ZBTB20: variants seen among roughly 807,000 people sequenced by gnomAD.
ZBTB20 encodes the protein zinc finger and BTB domain containing 20.
A neutral mutation model predicts 56.9 loss-of-function variants in ZBTB20; 9 were observed. The observed-to-expected ratio is 0.16, with a 90% CI of 0.10 to 0.28. ZBTB20 has a LOEUF of 0.28. ZBTB20 is among the 10% of genes least tolerant of loss of function. The pLI is 1.00. For synonymous variants in ZBTB20, 417 were observed against 420.7 expected (o/e 0.99, Z 0.11); for missense variants, 655 against 1,003.0 (o/e 0.65, Z 4.69).
In ZBTB20 at chr3:114,971,848, T is replaced by C. The variant is rs560605029; in HGVS notation, c.-456+2518A>G. Among the ~76,000 whole-genome samples the C allele has an allele frequency of 3.7e-3, 565 of 152,308 alleles. 3 individuals carry two copies. The highest frequency in any genetic ancestry group is 0.013 in the African/African-American group (520 of 41,564). On this transcript the variant is annotated intron_variant, in intron 3 of 11. Transcript: ENST00000675478. ...TTATTTATGGCAGGTATGTAAGCAA[T>C]TGGGGCAGCAATGTTGGAGGCCCCT...
chr3:115,024,831 G>A (rs574121559), intron 2 of ZBTB20, among the ~76,000 whole-genome samples: 6 of 151,246 alleles, frequency 4.0e-5, no homozygotes, highest in African/African-American at 1.4e-4. Context: ...TATTCACTAA[G>A]AAAATACAAT....
chr3:114,604,882 A>G (rs956292126), intron 6 of ZBTB20, among the ~76,000 whole-genome samples: 6 of 152,126 alleles, frequency 3.9e-5, no homozygotes. Context: ...GCCTAGGATG[A>G]TTTCCATGTG....
At chr3:114,848,211 GCCA>G (rs2107385826) in intron 4 of ZBTB20, among the ~76,000 whole-genome samples, 1 of 152,182 alleles carries the variant, frequency 6.6e-6, no homozygotes, top group Admixed American at 6.5e-5. Flanking sequence ...ATGCCTCCAT[GCCA>G]CCACCAACTC....
chr3:114,421,122 C>A (rs2089129837), intron 7 of ZBTB20, among the ~76,000 whole-genome samples: 1 of 152,002 alleles, frequency 6.6e-6, no homozygotes, highest in Admixed American at 6.6e-5. Context: ...CTTTTCCTAT[C>A]TTTTGTTTCT....
chr3:114,837,277 G>A (rs2074168687), intron 4 of ZBTB20, among the ~76,000 whole-genome samples: 1 of 152,168 alleles, frequency 6.6e-6, no homozygotes, highest in South Asian at 2.1e-4. Context: ...GTATGCACAT[G>A]TACCTGTATG....
At chr3:114,589,104 C>T (rs1178490659) in intron 6 of ZBTB20, among the ~76,000 whole-genome samples, 3 of 152,120 alleles carry the variant, frequency 2.0e-5, no homozygotes, top group African/African-American at 7.2e-5. Context: ...TCCCACGACA[C>T]ATGAAGATTA....
intron 6 of ZBTB20, among the ~76,000 whole-genome samples, chr3:114,548,921 A>C (rs2050226241): frequency 1.3e-5 from 2 of 152,240 alleles, no homozygotes; most frequent in Admixed American, 1.3e-4. Flanking sequence ...GAAAAGGTAC[A>C]TTGAAGAAAA....
At chr3:114,393,087 T>C (rs2086025202) in intron 7 of ZBTB20, among the ~76,000 whole-genome samples, 1 of 152,186 alleles carries the variant, frequency 6.6e-6, no homozygotes, top group African/African-American at 2.4e-5. Flanking sequence ...TTGGCCAGTA[T>C]GGTGGAGCCA....
intron 1 of ZBTB20, among the ~76,000 whole-genome samples, chr3:115,109,469 CAT>C (rs1246865749): frequency 1.3e-5 from 2 of 152,138 alleles, no homozygotes; most frequent in African/African-American, 4.8e-5. Flanking sequence ...ATCTCTACTA[CAT>C]GTGTCAGAAA....
intron 7 of ZBTB20, among the ~76,000 whole-genome samples, chr3:114,402,005 A>C (rs551192107): frequency 6.6e-6 from 1 of 152,220 alleles, no homozygotes; most frequent in African/African-American, 2.4e-5. Flanking sequence ...AAGTAGCTGT[A>C]CATATCATGT....
intron 4 of ZBTB20, among the ~76,000 whole-genome samples, chr3:114,829,743 C>T (rs952147254): frequency 6.6e-6 from 1 of 151,846 alleles, no homozygotes; most frequent in Non-Finnish European, 1.5e-5. Context: ...AAGTGGCGTG[C>T]TATCCCATGC....
chr3:114,467,476 G>C (rs1255319319), intron 7 of ZBTB20, among the ~76,000 whole-genome samples: 1 of 152,156 alleles, frequency 6.6e-6, no homozygotes, highest in Non-Finnish European at 1.5e-5. Context: ...TCAAGAATTA[G>C]AGATAGATAG....
chr3:114,969,962 A>G (rs2077805856), intron 3 of ZBTB20, among the ~76,000 whole-genome samples: 1 of 152,228 alleles, frequency 6.6e-6, no homozygotes, highest in African/African-American at 2.4e-5. Flanking sequence ...AAATCACAAT[A>G]TGATAAGAAA....
At chr3:114,564,121 A>ATCTC (rs140370618) in intron 6 of ZBTB20, among the ~76,000 whole-genome samples, 1 of 150,134 alleles carries the variant, frequency 6.7e-6, no homozygotes, top group African/African-American at 2.4e-5. Context: ...GCATCTTTCA[A>ATCTC]TCTCTCTCTC....
chr3:114,608,303 T>G (rs1255345890), intron 6 of ZBTB20, among the ~76,000 whole-genome samples: 1 of 152,208 alleles, frequency 6.6e-6, no homozygotes, highest in Admixed American at 6.5e-5. Context: ...TAAGAAATCT[T>G]TTAGAACAAT....
intron 4 of ZBTB20, among the ~76,000 whole-genome samples, chr3:114,884,641 T>G (rs1306371535): frequency 2.6e-5 from 4 of 152,294 alleles, no homozygotes; most frequent in African/African-American, 9.6e-5. Flanking sequence ...AATTTCTGTT[T>G]CAAGATGAAA....
intron 6 of ZBTB20, among the ~76,000 whole-genome samples, chr3:114,531,608 G>T (rs935192894): frequency 2.0e-5 from 3 of 152,206 alleles, no homozygotes. Context: ...TGGAAAGAAA[G>T]ATTTTTGGGG....
At chr3:114,526,483 G>C (rs755353274) in intron 6 of ZBTB20, among the ~76,000 whole-genome samples, 1 of 151,964 alleles carries the variant, frequency 6.6e-6, no homozygotes, top group Non-Finnish European at 1.5e-5. Flanking sequence ...TCACAAACTG[G>C]CCTTTGCTCT....
At chr3:114,349,050 G>A (rs866524063) in intron 11 of ZBTB20, among the ~76,000 whole-genome samples, 1 of 151,740 alleles carries the variant, frequency 6.6e-6, no homozygotes, top group South Asian at 2.1e-4. Context: ...AAATAAAAAA[G>A]TTAAATGAGC....
Sources: gnomAD v4.1 joint callset for allele counts (sites outside exome capture counted in the v4.1 genomes callset) on GRCh38, gnomAD v4.1.1 for gene constraint, MANE v1.5 for transcripts, NCBI Gene and HGNC (gene_info 2026-07-23, HGNC 2026-07-21) for gene names.